The following APPL1 variants were observed in gnomAD, a reference collection of about 807,000 sequenced individuals.
The protein encoded by APPL1 is adaptor protein, phosphotyrosine interacting with PH domain and leucine zipper 1.
APPL1 carries 42 observed loss-of-function variants against 106.8 expected under a neutral mutation model. The observed-to-expected ratio is 0.39, with a 90% CI of 0.31 to 0.51. The LOEUF (loss-of-function observed/expected upper bound fraction) is 0.51, where lower values mean the gene tolerates loss of function less well. APPL1 is among the 20% of genes least tolerant of loss of function. The probability of loss-of-function intolerance (pLI) is 0.75; values close to 1 mark genes in which losing one functional copy is unlikely to be tolerated. For missense variants in APPL1, 769 were observed against 858.2 expected, an observed-to-expected ratio of 0.90 and a Z score of 1.30; for synonymous variants, 263 against 281.8, an observed-to-expected ratio of 0.93 and a Z score of 0.67.
intron 16 of APPL1, 98 bp from the exon 17 acceptor site, chr3:57,259,747 T>C: frequency 9.9e-7 from 1 of 1,014,404 alleles, no homozygotes; most frequent in Non-Finnish European, 1.4e-6. Flanking sequence ...AAGGAGGCAG[T>C]GTATTTTATT....
rs1377173261 is a variant in APPL1 at position 57,235,596 on chromosome 3, G to T, written c.85G>T (p.Asp29Tyr). Residue 29 changes from aspartate (D) to tyrosine (Y), a missense_variant, in exon 2 of 22, where the codon GAT (aspartate) becomes TAT (tyrosine). Transcript: ENST00000288266. ...GTCTTTACTAGGTGTATTTGAAGAA[G>T]ATGCCACAGCTATTTCCAACTATAT... Reference protein sequence around the residue: ...TRSLLGVFEEDATAISNYMNQ... With the variant: ...TRSLLGVFEEYATAISNYMNQ... The T allele has an allele frequency of 6.2e-7, 1 of 1,612,866 alleles. No homozygotes were observed. Among genetic ancestry groups the T allele is most frequent in the Non-Finnish European group, 8.5e-7 (1 of 1,179,246 alleles).
At chr3:57,245,600 T>C (rs2060769143) in intron 7 of APPL1, among the ~76,000 whole-genome samples, 1 of 151,624 alleles carries the variant, frequency 6.6e-6, no homozygotes, top group South Asian at 2.1e-4. Context: ...TGGAGTACAG[T>C]GGTGTGATCT....
chr3:57,231,809 T>TA (rs375775370), intron 1 of APPL1, among the ~76,000 whole-genome samples: 9,824 of 132,292 alleles, frequency 0.074, 607 homozygotes, highest in African/African-American at 0.17. Context: ...CTTTGGCTCT[T>TA]AAAAAAAAAA....
At chr3:57,247,513 G>C in intron 9 of APPL1, 36 bp downstream of exon 9, 2 of 1,280,638 alleles carry the variant, frequency 1.6e-6, no homozygotes, top group East Asian at 4.7e-5. Flanking sequence ...AAAATGAAAT[G>C]ATGTGAATGA....
At chr3:57,259,220 G>C in intron 16 of APPL1, 140 bp downstream of exon 16, 1 of 638,168 alleles carries the variant, frequency 1.6e-6, no homozygotes, top group East Asian at 2.9e-5. Flanking sequence ...CTTACTTATA[G>C]TACACTTGAA....
chr3:57,243,275 A>G (rs911217872), intron 7 of APPL1, among the ~76,000 whole-genome samples: 2 of 152,232 alleles, frequency 1.3e-5, no homozygotes, highest in Admixed American at 1.3e-4. Flanking sequence ...CACACACATA[A>G]TGAAATTCTG....
Position 57,269,662 on chromosome 3 carries a change from G to A in APPL1, c.2105G>A (p.Gly702Glu), listed in dbSNP as rs761116702. 6.2e-7 allele frequency: 1 copy of A among 1,613,936 alleles called. No homozygotes were observed. Among genetic ancestry groups the A allele is most frequent in the Non-Finnish European group, 8.5e-7 (1 of 1,179,904 alleles). The change falls in exon 22 of 22, where the codon GGA becomes GAA. Residue 702 changes from glycine (G) to glutamate (E), a missense_variant. By Grantham distance (98) the Gly-to-Glu change is moderately conservative. Transcript: ENST00000288266. The part of the protein sequence containing the change: ...QSEESDLGEG[G>E]KKRESEA Reference sequence around the variant, plus strand: ...GAAGAGAGTGATTTGGGAGAAGGAGGAAAGAAGAGAGAATCAGAAGCATAA... The same window carrying A: ...GAAGAGAGTGATTTGGGAGAAGGAGAAAAGAAGAGAGAATCAGAAGCATAA...
chr3:57,232,531 T>C lies in APPL1; in HGVS notation c.55-3035T>C, dbSNP rs142398145. ...TCCTGGTTGTTGTCCGAAAACCTTCTTTTGACACCTGGTGAGATGTCAAAT... is the reference window on the plus strand; with the variant it reads ...TCCTGGTTGTTGTCCGAAAACCTTCCTTTGACACCTGGTGAGATGTCAAAT... On this transcript the variant is annotated intron_variant, in intron 1 of 21. Coordinates refer to ENST00000288266, the MANE Select transcript of APPL1 (RefSeq NM_012096.3). Among the ~76,000 whole-genome samples, 185 of 152,352 alleles carry C rather than the reference T, an allele frequency of 1.2e-3. 1 individual carries two copies. The highest frequency in any genetic ancestry group is 4.3e-3 in the African/African-American group (178 of 41,580).
At position 57,268,387 on chromosome 3, in the gene APPL1, C is replaced by T; in HGVS notation, c.1894-11C>T. On this transcript the variant is annotated splice_polypyrimidine_tract_variant and intron_variant, in intron 20 of 21. Coordinates refer to ENST00000288266, the MANE Select transcript of APPL1 (RefSeq NM_012096.3). ...TATTTAATTCATTAGTTTTATTCAT[C>T]TGTTCTTTAGGATCGTAGGGCATCA... The T allele has an allele frequency of 6.5e-7, 1 of 1,530,538 alleles. No homozygotes were observed. The highest frequency in any genetic ancestry group is 8.9e-7 in the Non-Finnish European group (1 of 1,123,270). 94.8% of individuals were successfully genotyped at this position (1,530,538 alleles called of 1,614,324 possible). A position where few individuals can be genotyped will look rare whatever the true frequency, so the allele number is the denominator to read the frequency against.
chr3:57,243,899 A>G (rs1259597486), intron 7 of APPL1, among the ~76,000 whole-genome samples: 1 of 152,104 alleles, frequency 6.6e-6, no homozygotes, highest in Non-Finnish European at 1.5e-5. Flanking sequence ...AATATACGTC[A>G]AGCAGTCTGT....
At chr3:57,263,275 A>G (rs1433277458) in intron 19 of APPL1, among the ~76,000 whole-genome samples, 1 of 152,096 alleles carries the variant, frequency 6.6e-6, no homozygotes, top group Non-Finnish European at 1.5e-5. Flanking sequence ...GAAACAATCC[A>G]ATTATACTCT....
At chr3:57,233,323 C>G (rs1306545903) in intron 1 of APPL1, among the ~76,000 whole-genome samples, 1 of 152,122 alleles carries the variant, frequency 6.6e-6, no homozygotes, top group African/African-American at 2.4e-5. Flanking sequence ...AAGCTACTAA[C>G]TTTAAACAAA....
intron 21 of APPL1, chr3:57,269,154 C>T (rs2060916880): frequency 6.3e-6 from 1 of 159,972 alleles, no homozygotes; most frequent in Non-Finnish European, 1.4e-5. Context: ...GAAGGTGACA[C>T]CTGATTTAGC....
At chr3:57,230,106 A>C (rs548792182) in intron 1 of APPL1, among the ~76,000 whole-genome samples, 1 of 152,222 alleles carries the variant, frequency 6.6e-6, no homozygotes, top group Non-Finnish European at 1.5e-5. Flanking sequence ...TACTTGGGAA[A>C]ATTAATTGGT....
intron 11 of APPL1, among the ~76,000 whole-genome samples, chr3:57,251,632 A>C (rs1175111314): frequency 1.3e-5 from 2 of 151,710 alleles, no homozygotes; most frequent in Non-Finnish European, 2.9e-5. Flanking sequence ...TATTGTGTGG[A>C]TTTATCACAC....
At chr3:57,251,097 G>A (rs1056919151) in intron 11 of APPL1, among the ~76,000 whole-genome samples, 7 of 149,628 alleles carry the variant, frequency 4.7e-5, no homozygotes, top group African/African-American at 1.5e-4. Flanking sequence ...GTGAGCCACC[G>A]CGCCCGGCCT....
intron 19 of APPL1, among the ~76,000 whole-genome samples, chr3:57,262,783 C>A (rs2060873538): frequency 6.7e-6 from 1 of 149,592 alleles, no homozygotes; most frequent in African/African-American, 2.5e-5. Context: ...GTAGGATGAT[C>A]TTTGTTTTTC....
chr3:57,228,080 G>A lies in APPL1; in HGVS notation c.54+143G>A, dbSNP rs1253919081. On this transcript the variant is annotated intron_variant, in intron 1 of 21. Coordinates refer to ENST00000288266, the MANE Select transcript of APPL1 (RefSeq NM_012096.3). The surrounding 1 kb of genome is among the most constrained non-coding windows in gnomAD (Gnocchi z 4.6). ...TAGGTCACCGCCCGTCGCAGGCCGC[G>A]CCCGGAGTTGTGGAGGCTGGGCCCG... 2.9e-6 allele frequency: 2 copies of A among 683,594 alleles called. No individual in the cohort carries two copies. The highest frequency in any genetic ancestry group is 2.0e-6 in the Non-Finnish European group (1 of 496,588). 42.3% of individuals were successfully genotyped at this position (683,594 alleles called of 1,614,324 possible). A position where few individuals can be genotyped will look rare whatever the true frequency, so the allele number is the denominator to read the frequency against.
In APPL1 at chr3:57,246,118, A is replaced by G; in HGVS notation, c.517A>G (p.Lys173Glu). 6.2e-7 allele frequency: 1 copy of G among 1,611,468 alleles called. No homozygotes were observed. The highest frequency in any genetic ancestry group is 8.5e-7 in the Non-Finnish European group (1 of 1,178,820). Reference sequence around the variant, plus strand: ...AGAAGATGTGTACACATCCAGAAAGAAACAACACCAGACCATGATGCATTA... The same window carrying G: ...AGAAGATGTGTACACATCCAGAAAGGAACAACACCAGACCATGATGCATTA... ...VTEDVYTSRK[K>E]QHQTMMHYFC... The change falls in exon 8 of 22, where the codon AAA becomes GAA. Residue 173 changes from lysine to glutamate, a missense_variant. Lys to Glu is a moderately conservative substitution (Grantham distance 56). Coordinates refer to ENST00000288266, the MANE Select transcript of APPL1 (RefSeq NM_012096.3).
Sources: allele counts gnomAD v4.1 joint callset (sites outside exome capture counted in the v4.1 genomes callset), GRCh38; gene constraint gnomAD v4.1.1; non-coding constraint Gnocchi (gnomAD v3.1); transcripts MANE v1.5; gene names NCBI Gene and HGNC (gene_info 2026-07-23, HGNC 2026-07-21).